Variants in ANKRD17 observed in about 807,000 individuals in gnomAD.
ANKRD17 encodes ankyrin repeat domain-containing protein 17.
A neutral mutation model predicts 229.7 loss-of-function variants in ANKRD17; 19 were observed. The observed-to-expected ratio is 0.08, with a 90% CI of 0.06 to 0.12. The LOEUF is 0.12. Among genes scored for constraint, ANKRD17 ranks in the 10% least tolerant of loss-of-function variants. The pLI, the probability that ANKRD17 is intolerant of heterozygous loss-of-function variation, is 1.00. For synonymous variants in ANKRD17, 1,112 were observed against 1,146.1 expected (o/e 0.97, Z 0.60); for missense variants, 2,176 against 3,176.8 (o/e 0.68, Z 7.57).
intron 1 of ANKRD17, among the ~76,000 whole-genome samples, chr4:73,249,099 A>G (rs960096930): frequency 9.2e-5 from 14 of 152,266 alleles, no homozygotes; most frequent in African/African-American, 3.1e-4. Context: ...ATGGTAACAT[A>G]TATTTATTCT....
Position 73,192,738 on chromosome 4 carries a change from G to A in ANKRD17, c.394-15205C>T, listed in dbSNP as rs143774948. On this transcript the variant is annotated intron_variant, in intron 1 of 33. Coordinates refer to ENST00000358602, the MANE Select transcript of ANKRD17 (RefSeq NM_032217.5). ...GTCTTGAGATATATAGGATTAACTT[G>A]CTGGTACATGTAACTCATCTGAAAG... is the stretch of plus-strand genomic sequence containing the variant. Among the ~76,000 whole-genome samples the A allele has an allele frequency of 6.4e-3, 967 of 152,172 alleles. 11 individuals carry two copies. Among genetic ancestry groups the A allele is most frequent in the African/African-American group, 0.022 (921 of 41,544 alleles).
chr4:73,100,656 G>C (rs1287820616), intron 25 of ANKRD17, among the ~76,000 whole-genome samples: 3 of 152,020 alleles, frequency 2.0e-5, no homozygotes, highest in Non-Finnish European at 4.4e-5. Flanking sequence ...GATTTCACAT[G>C]ATATGTATAG....
chr4:73,181,152 G>T (rs886681259), intron 1 of ANKRD17, among the ~76,000 whole-genome samples: 1 of 152,144 alleles, frequency 6.6e-6, no homozygotes. Flanking sequence ...ATATTTTATA[G>T]ATCTTAGAGG....
chr4:73,129,761 CTTT>C (rs768232283), intron 16 of ANKRD17, among the ~76,000 whole-genome samples: 74 of 134,104 alleles, frequency 5.5e-4, no homozygotes, highest in South Asian at 2.5e-3. Context: ...CTATTAATTA[CTTT>C]TTTTTTTTTT....
intron 1 of ANKRD17, among the ~76,000 whole-genome samples, chr4:73,188,387 C>G (rs1046135511): frequency 2.6e-5 from 4 of 152,014 alleles, no homozygotes. Context: ...GGGTTCGAGA[C>G]CAGCCTGGCC....
intron 2 of ANKRD17, among the ~76,000 whole-genome samples, chr4:73,175,896 C>T (rs939897445): frequency 6.6e-6 from 1 of 150,916 alleles, no homozygotes; most frequent in Admixed American, 6.6e-5. Flanking sequence ...TTAGAATGGG[C>T]AAAGATTTCT....
At chr4:73,182,796 C>T (rs1050978428) in intron 1 of ANKRD17, among the ~76,000 whole-genome samples, 6 of 152,166 alleles carry the variant, frequency 3.9e-5, no homozygotes, top group Non-Finnish European at 7.3e-5. Context: ...TGTAAAAGCA[C>T]TATTAACATT....
At chr4:73,235,022 T>A (rs1195039746) in intron 1 of ANKRD17, among the ~76,000 whole-genome samples, 1 of 152,214 alleles carries the variant, frequency 6.6e-6, no homozygotes, top group Non-Finnish European at 1.5e-5. Flanking sequence ...GATTTTGCTG[T>A]CAATCCGATT....
intron 1 of ANKRD17, among the ~76,000 whole-genome samples, chr4:73,222,569 C>A (rs987486423): frequency 6.6e-6 from 1 of 152,132 alleles, no homozygotes; most frequent in Admixed American, 6.5e-5. Context: ...TAATAGTTAA[C>A]TGCAGCAAAG....
intron 2 of ANKRD17, among the ~76,000 whole-genome samples, chr4:73,170,977 C>T (rs2148961519): frequency 6.6e-6 from 1 of 152,244 alleles, no homozygotes; most frequent in Non-Finnish European, 1.5e-5. Context: ...AAAAACAAGT[C>T]TGGCTGGCTT....
chr4:73,211,379 T>G (rs1482427764), intron 1 of ANKRD17, among the ~76,000 whole-genome samples: 2 of 151,972 alleles, frequency 1.3e-5, no homozygotes, highest in African/African-American at 4.8e-5. Flanking sequence ...TAAAGTTGAG[T>G]GGATAGAATG....
intron 16 of ANKRD17, among the ~76,000 whole-genome samples, chr4:73,134,625 C>A (rs890621295): frequency 4.6e-5 from 7 of 152,082 alleles, no homozygotes; most frequent in Non-Finnish European, 7.4e-5. Flanking sequence ...CCTGGAATCC[C>A]GTACAGCTAA....
At chr4:73,242,759 C>T (rs753534190) in intron 1 of ANKRD17, among the ~76,000 whole-genome samples, 2 of 152,108 alleles carry the variant, frequency 1.3e-5, no homozygotes, top group African/African-American at 2.4e-5. Flanking sequence ...AAAATAATTT[C>T]GCCAAGGTTC....
intron 30 of ANKRD17, among the ~76,000 whole-genome samples, chr4:73,083,658 C>A (rs1721793045): frequency 6.6e-6 from 1 of 152,034 alleles, no homozygotes; most frequent in Non-Finnish European, 1.5e-5. Context: ...AAAACCTAAC[C>A]TGGGTGGTGT....
intron 31 of ANKRD17, among the ~76,000 whole-genome samples, chr4:73,078,053 C>T (rs1721174966): frequency 6.6e-6 from 1 of 150,858 alleles, no homozygotes; most frequent in Non-Finnish European, 1.5e-5. Flanking sequence ...AGTTTGATAC[C>T]AGCCTGATCA....
chr4:73,098,518 C>T lies in ANKRD17; in HGVS notation c.4576G>A (p.Glu1526Lys), dbSNP rs748135097. The T allele has an allele frequency of 6.2e-7, 1 of 1,608,762 alleles. No homozygotes were observed. The highest frequency in any genetic ancestry group is 8.5e-7 in the Non-Finnish European group (1 of 1,178,348). ...GGAGGTTCTGTCAAGACTTCAGGCT[C>T]ATCTGTAAAAGTAGCAATACTGAAT... ...QEKEKLKVED[E>K]PEVLTEPPSA... Residue 1526 changes from glutamate to lysine, a missense_variant and splice_region_variant, in exon 26 of 34, where the codon GAG (glutamate) becomes AAG (lysine). This residue lies in a region of ANKRD17 where 105 missense variants were observed against 118.3 expected (regional missense o/e 0.89). Transcript: ENST00000358602.
At chr4:73,211,045 T>C (rs976434439) in intron 1 of ANKRD17, among the ~76,000 whole-genome samples, 1 of 152,152 alleles carries the variant, frequency 6.6e-6, no homozygotes, top group Non-Finnish European at 1.5e-5. Context: ...GGATGAAATA[T>C]CTTTTACCTA....
chr4:73,219,149 C>T (rs939892207), intron 1 of ANKRD17, among the ~76,000 whole-genome samples: 1 of 152,194 alleles, frequency 6.6e-6, no homozygotes, highest in Non-Finnish European at 1.5e-5. Context: ...CTTTTATCAA[C>T]TCTTAATGAT....
rs202216211 is a variant in ANKRD17 at position 73,146,812 on chromosome 4, A to G, written c.1821T>C (p.Asn607=). ...AGACATCTGCTACATCAGTATGACC[A>G]TTTTCACAGGCATATGTTAGTGCTG... ...GDTALTYACE[N]GHTDVADVLL... Residue 607 remains asparagine, a synonymous_variant, in exon 10 of 34, where the codon AAT becomes AAC. Transcript: ENST00000358602. 1.1e-5 allele frequency: 17 copies of G among 1,612,780 alleles called. No individual in the cohort carries two copies. The highest frequency in any genetic ancestry group is 5.5e-5 in the South Asian group (5 of 90,902).
Sources: gnomAD v4.1 joint callset for allele counts (sites outside exome capture counted in the v4.1 genomes callset) on GRCh38, gnomAD v4.1.1 for gene constraint, gnomAD v4.1.1 regional missense constraint, MANE v1.5 for transcripts, NCBI Gene and HGNC (gene_info 2026-07-23, HGNC 2026-07-21) for gene names.